PTK2: variants seen among roughly 807,000 people sequenced by gnomAD.
The protein encoded by PTK2 is protein tyrosine kinase 2.
A neutral mutation model predicts 150.1 loss-of-function variants in PTK2; 45 were observed. The ratio of observed to expected loss-of-function variants is 0.30; its 90% CI spans 0.24 to 0.38. The LOEUF is 0.38. Among genes scored for constraint, PTK2 ranks in the 10% least tolerant of loss-of-function variants. PTK2 has a pLI of 1.00. For missense variants in PTK2, 919 were observed against 1,307.3 expected, an observed-to-expected ratio of 0.70 and a Z score of 4.58; for synonymous variants, 432 against 449.2, an observed-to-expected ratio of 0.96 and a Z score of 0.48.
chr8:140,745,778 T>C (rs2100058328), intron 18 of PTK2, among the ~76,000 whole-genome samples: 1 of 152,160 alleles, frequency 6.6e-6, no homozygotes, highest in Non-Finnish European at 1.5e-5. Flanking sequence ...GGCAGGCAGA[T>C]CACTGGAGGT....
At chr8:140,682,651 C>T (rs551488599) in intron 27 of PTK2, among the ~76,000 whole-genome samples, 7 of 149,022 alleles carry the variant, frequency 4.7e-5, no homozygotes, top group Non-Finnish European at 8.9e-5. Flanking sequence ...AAAAAAAAAC[C>T]GAAATCACAC....
chr8:140,769,657 G>A (rs923077083), intron 14 of PTK2, 65 bp from the exon 16 acceptor site: 18 of 1,132,856 alleles, frequency 1.6e-5, no homozygotes, highest in Non-Finnish European at 1.9e-5. Flanking sequence ...ACATAGGAAG[G>A]AGAAGAGGGA....
At chr8:140,771,369 T>G (rs1427464341) in intron 14 of PTK2, 2 of 152,230 alleles carry the variant, frequency 1.3e-5, no homozygotes, top group African/African-American at 2.4e-5. Context: ...CACTCATTCA[T>G]GTACTCAAAG....
chr8:140,786,871 A>G (rs2100085279), intron 14 of PTK2, among the ~76,000 whole-genome samples: 1 of 152,112 alleles, frequency 6.6e-6, no homozygotes, highest in African/African-American at 2.4e-5. Flanking sequence ...GTAATGATGA[A>G]AAGAGCAAGT....
intron 2 of PTK2, among the ~76,000 whole-genome samples, chr8:140,900,167 T>TA (rs1431309146): frequency 2.0e-5 from 3 of 152,210 alleles, no homozygotes; most frequent in African/African-American, 7.2e-5. Flanking sequence ...TTAGTTTCGT[T>TA]GACAGATGAC....
chr8:140,773,390 A>C (rs139035233), intron 14 of PTK2, among the ~76,000 whole-genome samples: 25 of 152,340 alleles, frequency 1.6e-4, no homozygotes, highest in Middle Eastern at 6.8e-3. Context: ...AAAATAAGTA[A>C]ATTTTATGGC....
chr8:140,863,145 AGT>A (rs939579970), intron 5 of PTK2, among the ~76,000 whole-genome samples: 6 of 152,322 alleles, frequency 3.9e-5, no homozygotes, highest in Admixed American at 3.3e-4. Flanking sequence ...CTTTCATGGC[AGT>A]AAGTGCCTAG....
chr8:140,735,196 G>C, intron 22 of PTK2, 55 bp downstream of exon 25: 3 of 1,509,506 alleles, frequency 2.0e-6, no homozygotes, highest in Non-Finnish European at 2.7e-6. Context: ...CTGCAAGGAG[G>C]AGAAGCAGCA....
At position 140,935,391 on chromosome 8, in the gene PTK2, T is replaced by TC. The variant is rs2100173244; in HGVS notation, c.-121-9643dup. ...AGCACCTATGCCTCAGAGTGACTTA[T>TC]CCTGACAGATTCTTAGAGAGCATAA... is the stretch of plus-strand genomic sequence containing the variant. On this transcript the variant is annotated intron_variant, in intron 1 of 31. Coordinates refer to ENST00000522684, the Ensembl canonical transcript of PTK2. Among the ~76,000 whole-genome samples the TC allele has an allele frequency of 2.6e-5, 4 of 152,168 alleles. No individual in the cohort carries two copies. The East Asian group carries it at 5.8e-4, about 22-fold the overall frequency.
intron 1 of PTK2, among the ~76,000 whole-genome samples, chr8:140,989,839 C>T (rs1338593359): frequency 2.0e-5 from 3 of 148,558 alleles, no homozygotes; most frequent in South Asian, 2.2e-4. Context: ...ACCCAGGAGG[C>T]GGAGGTTGCG....
intron 30 of PTK2, among the ~76,000 whole-genome samples, chr8:140,666,680 G>A (rs1487278072): frequency 6.6e-6 from 1 of 152,154 alleles, no homozygotes; most frequent in Non-Finnish European, 1.5e-5. Context: ...TGGAGGGAAT[G>A]TAAGATGGTG....
exon 32 of PTK2, chr8:140,658,335 T>C (rs1476698863): frequency 1.7e-5 from 3 of 173,804 alleles, no homozygotes; most frequent in Non-Finnish European, 3.7e-5. Context: ...TGTTATCTTA[T>C]CTGACAAGTC....
At position 140,665,034 on chromosome 8, in the gene PTK2, C is replaced by G. The variant is rs116099749; in HGVS notation, c.2866-37G>C. ...GAATCACAACCAATATTAGAACACA[C>G]ACAAAGGATTTTTATGCTTTTCAGT... On this transcript the variant is annotated intron_variant, in intron 30 of 31. Coordinates refer to ENST00000522684, the Ensembl canonical transcript of PTK2. 5.2e-6 allele frequency: 8 copies of G among 1,553,234 alleles called. No individual in the cohort carries two copies. In the African/African-American group the frequency reaches 9.6e-5, roughly 19 times the overall value.
chr8:140,849,473 T>C (rs978573098), intron 5 of PTK2, among the ~76,000 whole-genome samples: 8 of 152,236 alleles, frequency 5.3e-5, no homozygotes, highest in African/African-American at 1.9e-4. Context: ...CCCAGCAGAA[T>C]TGCTATCATT....
chr8:140,671,759 CAAAAAAA>C lies in PTK2; in HGVS notation c.2709+2532_2709+2538del, dbSNP rs35706231. 3.2e-5 allele frequency among the ~76,000 whole-genome samples: 3 copies of C among 94,176 alleles called. No homozygotes were observed. The Admixed American group carries it at 3.6e-4, about 11-fold the overall frequency. The allele number at this position is 94,176 out of a possible 152,430, so 61.8% of individuals were successfully genotyped here. The stretch of plus-strand genomic sequence containing the variant: ...AAACCCCGTCTCTACTAAAAATACC[CAAAAAAA>C]AAAAAAAAAAAAAAAATTAGATGGG... On this transcript the variant is annotated intron_variant, in intron 29 of 31. Transcript: ENST00000522684.
At chr8:140,931,070 C>CAAAA (rs34438579) in intron 1 of PTK2, among the ~76,000 whole-genome samples, 4 of 111,716 alleles carry the variant, frequency 3.6e-5, no homozygotes, top group African/African-American at 7.3e-5. Flanking sequence ...GACTCTGTCT[C>CAAAA]AAAAAAAAAA....
At chr8:140,685,654 A>C (rs10102670) in intron 27 of PTK2, among the ~76,000 whole-genome samples, 1 of 152,198 alleles carries the variant, frequency 6.6e-6, no homozygotes, top group African/African-American at 2.4e-5. Context: ...AATATCACTA[A>C]TCATTAGAGA....
chr8:140,696,583 G>A (rs1168452539), intron 26 of PTK2, among the ~76,000 whole-genome samples: 3 of 152,128 alleles, frequency 2.0e-5, no homozygotes, highest in Non-Finnish European at 1.5e-5. Context: ...AGAAACCCTG[G>A]TGTAGGGAAT....
chr8:140,785,622 A>G (rs2100084509), intron 14 of PTK2, among the ~76,000 whole-genome samples: 1 of 152,308 alleles, frequency 6.6e-6, no homozygotes, highest in Non-Finnish European at 1.5e-5. Flanking sequence ...AAGACTCTCC[A>G]TCTTCATTGA....
Sources: gnomAD v4.1 joint callset for allele counts (sites outside exome capture counted in the v4.1 genomes callset) on GRCh38, gnomAD v4.1.1 for gene constraint, MANE v1.5 for transcripts, NCBI Gene and HGNC (gene_info 2026-07-23, HGNC 2026-07-21) for gene names.